FAM53A: variants seen among roughly 807,000 people sequenced by gnomAD.
FAM53A encodes protein FAM53A.
A neutral mutation model predicts 26.6 loss-of-function variants in FAM53A; 28 were observed. That is an observed-to-expected ratio of 1.05 (90% confidence interval 0.78 to 1.45). The LOEUF (loss-of-function observed/expected upper bound fraction) is 1.45. Ranked by LOEUF, FAM53A falls within the 40% of genes most tolerant of loss-of-function variation. The probability of loss-of-function intolerance (pLI) is 0.00; values close to 1 mark genes in which losing one functional copy is unlikely to be tolerated. For missense variants in FAM53A, 650 were observed against 575.8 expected, an observed-to-expected ratio of 1.13 and a Z score of -1.32; for synonymous variants, 290 against 253.1, an observed-to-expected ratio of 1.15 and a Z score of -1.38.
At position 1,657,463 on chromosome 4, in the gene FAM53A, C is replaced by A. The variant is rs751076162; in HGVS notation, c.81G>T (p.Gln27His). The change falls in exon 3 of 5, where the codon CAG (glutamine) becomes CAT (histidine). Residue 27 changes from glutamine (Q) to histidine (H), a missense_variant. Gln to His is a conservative substitution (Grantham distance 24, BLOSUM62 0). Transcript: ENST00000308132. Reference protein sequence around the residue: ...LTCKAEAGPLQYSAETLNKSG... With the variant: ...LTCKAEAGPLHYSAETLNKSG... The stretch of plus-strand genomic sequence containing the variant: ...TCTTGTTCAGGGTTTCCGCAGAATA[C>A]TGCAACTGACAGGAAAGAGAAGTTT... 44 of 1,613,602 alleles carry A rather than the reference C, an allele frequency of 2.7e-5. No individual in the cohort carries two copies. In the African/African-American group the frequency reaches 4.9e-4, roughly 18 times the overall value.
intron 4 of FAM53A, among the ~76,000 whole-genome samples, chr4:1,647,508 G>A (rs932116305): frequency 4.6e-5 from 7 of 151,606 alleles, no homozygotes; most frequent in African/African-American, 1.2e-4. Context: ...AGGGGGTGGC[G>A]GGGGGTTGAG....
At chr4:1,610,124 C>T in the FAM53A span, among the ~76,000 whole-genome samples, 1 of 151,922 alleles carries the variant, frequency 6.6e-6, no homozygotes, top group Non-Finnish European at 1.5e-5. Flanking sequence ...CCTATAACCC[C>T]TCATCATGGA....
downstream of FAM53A, among the ~76,000 whole-genome samples, chr4:1,616,337 G>C (rs1436357005): frequency 6.6e-6 from 1 of 152,206 alleles, no homozygotes; most frequent in Non-Finnish European, 1.5e-5. Flanking sequence ...GTTGGAAGCG[G>C]GGAGGTCCCA....
At chr4:1,637,750 C>T (rs964954160), downstream of FAM53A, among the ~76,000 whole-genome samples, 4 of 152,110 alleles carry the variant, frequency 2.6e-5, no homozygotes, top group Admixed American at 2.0e-4. Flanking sequence ...CCTCACAGGC[C>T]CCCAGCGCAG....
At chr4:1,617,523 A>AT (rs369042889), downstream of FAM53A, among the ~76,000 whole-genome samples, 597 of 152,246 alleles carry the variant, frequency 3.9e-3, 3 homozygotes, top group African/African-American at 0.014. Flanking sequence ...CGGTATTCTA[A>AT]TTTTTTTCTT....
At chr4:1,615,399 T>TGCGGCCACAA (rs1714777062), downstream of FAM53A, among the ~76,000 whole-genome samples, 2 of 30,312 alleles carry the variant, frequency 6.6e-5, no homozygotes, top group Admixed American at 7.0e-4. Flanking sequence ...TGCGGCCACA[T>TGCGGCCACAA]CCACCCCACC....
the FAM53A span, among the ~76,000 whole-genome samples, chr4:1,601,598 A>G: frequency 9.1e-6 from 1 of 110,118 alleles, no homozygotes; most frequent in Non-Finnish European, 2.2e-5. Flanking sequence ...CATGCGCCCC[A>G]TCTGCCATGC....
the FAM53A span, among the ~76,000 whole-genome samples, chr4:1,603,916 G>A: frequency 6.0e-4 from 91 of 152,320 alleles, 1 homozygote; most frequent in Middle Eastern, 6.8e-3. Flanking sequence ...GTCAGTTCTC[G>A]GGGCGACAGG....
rs140218167 is a variant in FAM53A, at chr4:1,641,577, G to A, written c.913C>T (p.Leu305Phe). 1,997 of 1,614,180 alleles carry A rather than the reference G, an allele frequency of 1.2e-3. 6 individuals are homozygous for A. Among genetic ancestry groups the A allele is most frequent in the Non-Finnish European group, 1.6e-3 (1,854 of 1,180,008 alleles). ...TLKNSKSLCSLNYEDDDEDDT... is the reference protein window; with the variant it reads ...TLKNSKSLCSFNYEDDDEDDT... ...TCCTCATCGTCATCTTCGTAATTGA[G>A]GGAGCAAAGGCTTTTTGAATTTTTT... Residue 305 changes from leucine to phenylalanine, a missense_variant, in exon 5 of 5, where the codon CTC (leucine) becomes TTC (phenylalanine). By Grantham distance (22) the Leu-to-Phe change is conservative. Coordinates refer to ENST00000308132, the MANE Select transcript of FAM53A (RefSeq NM_001174070.3).
chr4:1,599,121 G>C, the FAM53A span, among the ~76,000 whole-genome samples: 1 of 149,580 alleles, frequency 6.7e-6, no homozygotes, highest in Non-Finnish European at 1.5e-5. The surrounding 1 kb of genome is among the most constrained non-coding windows in gnomAD (Gnocchi z 6.1). Flanking sequence ...AACCCCGCCT[G>C]GTACTTCACC....
chr4:1,606,616 G>T, the FAM53A span, among the ~76,000 whole-genome samples: 1 of 152,232 alleles, frequency 6.6e-6, no homozygotes, highest in Non-Finnish European at 1.5e-5. Flanking sequence ...TGTGGGACGG[G>T]TCCTCTGACG....
At chr4:1,591,800 C>T in the FAM53A span, among the ~76,000 whole-genome samples, 1 of 152,176 alleles carries the variant, frequency 6.6e-6, no homozygotes, top group African/African-American at 2.4e-5. Flanking sequence ...TGAGGGACTC[C>T]CCAGAGGGCC....
At chr4:1,639,878 G>C (rs1257904247), downstream of FAM53A, 3 of 152,206 alleles carry the variant, frequency 2.0e-5, no homozygotes, top group Non-Finnish European at 2.9e-5. Context: ...TTTCAAAAAA[G>C]TATTAATGTT....
intron 1 of FAM53A, among the ~76,000 whole-genome samples, chr4:1,627,630 G>A (rs984690381): frequency 6.6e-6 from 1 of 152,180 alleles, no homozygotes; most frequent in East Asian, 1.9e-4. Flanking sequence ...CATTCTCCAG[G>A]GCAGAGACAG....
chr4:1,617,443 T>G (rs1714850884), downstream of FAM53A, among the ~76,000 whole-genome samples: 1 of 152,200 alleles, frequency 6.6e-6, no homozygotes, highest in Non-Finnish European at 1.5e-5. Context: ...CCCTCCCTGG[T>G]GTCCATTTAG....
the FAM53A span, among the ~76,000 whole-genome samples, chr4:1,589,608 T>C: frequency 6.6e-6 from 1 of 152,206 alleles, no homozygotes; most frequent in Non-Finnish European, 1.5e-5. Flanking sequence ...CAATAGCTAA[T>C]GGATATTAGT....
rs897604290 is a variant in FAM53A at position 1,662,668 on chromosome 4, G to C, written c.76-5200C>G. 3.1e-4 allele frequency among the ~76,000 whole-genome samples: 46 copies of C among 149,036 alleles called. 1 individual carries two copies. The highest frequency in any genetic ancestry group is 1.6e-3 in the Admixed American group (24 of 14,900). ...CTGTCTCAAAAAAAAAAAAAAAAAG[G>C]GTTCTTACAACTCAAAAATAAAAAG... On this transcript the variant is annotated intron_variant, in intron 2 of 4. Coordinates refer to ENST00000308132, the MANE Select transcript of FAM53A (RefSeq NM_001174070.3).
intron 1 of FAM53A, among the ~76,000 whole-genome samples, chr4:1,634,352 C>G (rs977311340): frequency 6.6e-6 from 1 of 152,096 alleles, no homozygotes; most frequent in Non-Finnish European, 1.5e-5. Flanking sequence ...CCACACCCGT[C>G]CACACACACA....
At chr4:1,588,075 C>G in the FAM53A span, among the ~76,000 whole-genome samples, 1 of 152,190 alleles carries the variant, frequency 6.6e-6, no homozygotes, top group Non-Finnish European at 1.5e-5. Context: ...ATACTAGCAT[C>G]CTTAATGCTA....
Sources: gnomAD v4.1 joint callset for allele counts (sites outside exome capture counted in the v4.1 genomes callset) on GRCh38, gnomAD v4.1.1 for gene constraint, Gnocchi (gnomAD v3.1) non-coding constraint, MANE v1.5 for transcripts, NCBI Gene and HGNC (gene_info 2026-07-23, HGNC 2026-07-21) for gene names.